The following DOP1B variants were observed in gnomAD, a reference collection of about 807,000 sequenced individuals.
DOP1B encodes DOP1 leucine zipper like protein B.
Under a neutral mutation model 233.5 loss-of-function variants are expected in DOP1B, and 174 were observed. The ratio of observed to expected loss-of-function variants is 0.75; its 90% CI spans 0.66 to 0.85. The LOEUF (loss-of-function observed/expected upper bound fraction) is 0.85, where lower values mean the gene tolerates loss of function less well. Among genes scored for constraint, DOP1B ranks in the 40% least tolerant of loss-of-function variants. DOP1B has a pLI of 0.00. For missense variants in DOP1B, 2,652 were observed against 2,846.6 expected (o/e 0.93, Z 1.56); for synonymous variants, 1,190 against 1,185.6 (o/e 1.00, Z -0.08).
At chr21:36,240,043 A>G in intron 18 of DOP1B, 88 bp downstream of exon 18, 1 of 1,410,192 alleles carries the variant, frequency 7.1e-7, no homozygotes, top group Non-Finnish European at 9.4e-7. Flanking sequence ...ACTGAGGCCC[A>G]CTAGGGGGTT....
At chr21:36,287,277 C>A (rs2067496046) in intron 32 of DOP1B, among the ~76,000 whole-genome samples, 1 of 152,130 alleles carries the variant, frequency 6.6e-6, no homozygotes, top group Non-Finnish European at 1.5e-5. Flanking sequence ...CGCTTCCCAC[C>A]CACCACCCTC....
At chr21:36,285,276 T>A (rs2146254373) in intron 32 of DOP1B, among the ~76,000 whole-genome samples, 1 of 152,074 alleles carries the variant, frequency 6.6e-6, no homozygotes, top group African/African-American at 2.4e-5. Flanking sequence ...GCCAGGCTGG[T>A]CTCGAACTCC....
Position 36,225,576 on chromosome 21 carries a change from A to G in DOP1B, c.1382A>G (p.Gln461Arg). ...GCTGTGATTTATAGACCAGTGAAGC[A>G]GCGTTACAGCGTGAGGAACAGCGTC... ...CFEECFRPVK[Q>R]RYSVRNSVSP... The change falls in exon 12 of 37, where the codon CAG (glutamine) becomes CGG (arginine). Residue 461 changes from glutamine (Q) to arginine (R), a missense_variant. Gln to Arg is a conservative substitution (Grantham distance 43). Transcript: ENST00000691173. 2 of 1,614,122 alleles carry G rather than the reference A, an allele frequency of 1.2e-6. No individual in the cohort carries two copies. The highest frequency in any genetic ancestry group is 1.7e-4 in the Middle Eastern group (1 of 6,060).
At chr21:36,253,953 G>A in intron 23 of DOP1B, 44 bp downstream of exon 23, 8 of 1,595,088 alleles carry the variant, frequency 5.0e-6, no homozygotes, top group Non-Finnish European at 6.8e-6. Flanking sequence ...AGATTAGTGG[G>A]TGGCATTTGT....
chr21:36,215,105 T>C (rs2066544182), intron 9 of DOP1B, among the ~76,000 whole-genome samples: 1 of 152,198 alleles, frequency 6.6e-6, no homozygotes, highest in Non-Finnish European at 1.5e-5. Context: ...TGAGCTCCTA[T>C]AGTGTCTACA....
chr21:36,157,454 C>A (rs2065829952), intron 1 of DOP1B, among the ~76,000 whole-genome samples: 2 of 152,342 alleles, frequency 1.3e-5, no homozygotes, highest in South Asian at 4.1e-4. Flanking sequence ...AGAAGGGATC[C>A]GGGCCGCAGT....
At chr21:36,198,953 T>C in intron 2 of DOP1B, 117 bp from the exon 3 acceptor site, 1 of 1,128,038 alleles carries the variant, frequency 8.9e-7, no homozygotes, top group Non-Finnish European at 1.3e-6. Flanking sequence ...TGTGTATGTC[T>C]CTTTCTTACA....
intron 2 of DOP1B, among the ~76,000 whole-genome samples, chr21:36,181,170 G>A (rs962074078): frequency 2.0e-5 from 3 of 152,126 alleles, no homozygotes; most frequent in East Asian, 1.9e-4. Flanking sequence ...CAATGTCCTC[G>A]ATGTAATTGA....
At chr21:36,172,354 G>A (rs1248609142) in intron 2 of DOP1B, among the ~76,000 whole-genome samples, 1 of 152,224 alleles carries the variant, frequency 6.6e-6, no homozygotes, top group Non-Finnish European at 1.5e-5. Context: ...ACTGGATGTG[G>A]AGGGTTTGGA....
chr21:36,245,766 G>A lies in DOP1B; in HGVS notation c.3786G>A (p.Val1262=), dbSNP rs2066952932. 2 of 1,613,992 alleles carry A rather than the reference G, an allele frequency of 1.2e-6. No individual in the cohort carries two copies. Among genetic ancestry groups the A allele is most frequent in the African/African-American group, 2.7e-5 (2 of 75,040 alleles). The change falls in exon 19 of 37, where the codon GTG becomes GTA. Residue 1262 remains valine (V), a synonymous_variant. Transcript: ENST00000691173. The surrounding 1 kb of genome is among the most constrained non-coding windows in gnomAD (Gnocchi z 5.5). ...KTNPKEFIEA[V]SRTSMDTSST... ...ACCCTAAGGAATTCATCGAGGCTGT[G>A]TCCAGGACTAGCATGGATACCAGCT...
chr21:36,208,501 T>C (rs566112264), intron 4 of DOP1B, among the ~76,000 whole-genome samples: 38 of 152,158 alleles, frequency 2.5e-4, no homozygotes, highest in Non-Finnish European at 5.4e-4. Context: ...CCTAGTGACA[T>C]TGGTTTTGGC....
chr21:36,293,642 G>A lies in DOP1B; in HGVS notation c.*71G>A. The A allele has an allele frequency of 2.0e-6, 3 of 1,518,888 alleles. No individual in the cohort carries two copies. The highest frequency in any genetic ancestry group is 1.2e-5 in the South Asian group (1 of 83,036). 94.1% of individuals were successfully genotyped at this position (1,518,888 alleles called of 1,614,324 possible). A position where few individuals can be genotyped will look rare whatever the true frequency, so the allele number is the denominator to read the frequency against. Reference sequence around the variant, plus strand: ...GAAAACCAGGTTATATTCTAAAGAAGAAAGAAGGCAGGATAGTGCTTTTGA... The same window carrying A: ...GAAAACCAGGTTATATTCTAAAGAAAAAAGAAGGCAGGATAGTGCTTTTGA... On this transcript the variant is annotated 3_prime_UTR_variant, in exon 37 of 37. Coordinates refer to ENST00000691173, the MANE Select transcript of DOP1B (RefSeq NM_001320714.2).
chr21:36,262,149 C>T (rs1370978244), intron 24 of DOP1B, among the ~76,000 whole-genome samples: 1 of 152,146 alleles, frequency 6.6e-6, no homozygotes, highest in East Asian at 1.9e-4. Flanking sequence ...AGACCACTTC[C>T]CTTGTGAGCA....
At chr21:36,244,783 G>A (rs2066935343) in intron 18 of DOP1B, among the ~76,000 whole-genome samples, 1 of 152,056 alleles carries the variant, frequency 6.6e-6, no homozygotes, top group South Asian at 2.1e-4. Context: ...TTTAAAAATT[G>A]CTCCCCTCCA....
intron 15 of DOP1B, among the ~76,000 whole-genome samples, chr21:36,235,515 G>A (rs1048563159): frequency 2.0e-5 from 3 of 151,810 alleles, no homozygotes; most frequent in African/African-American, 7.3e-5. Context: ...CTTGAGCTCA[G>A]GAGTTCGAGA....
chr21:36,259,562 C>A (rs910331930), intron 23 of DOP1B, among the ~76,000 whole-genome samples: 7 of 152,240 alleles, frequency 4.6e-5, no homozygotes, highest in African/African-American at 1.7e-4. Context: ...TGTGAGCCAC[C>A]GTGCCTGGCC....
At chr21:36,237,905 C>T (rs936379291) in intron 16 of DOP1B, among the ~76,000 whole-genome samples, 10 of 152,148 alleles carry the variant, frequency 6.6e-5, no homozygotes, top group East Asian at 5.8e-4. Flanking sequence ...CAGTGACTCA[C>T]GCCTGTAATT....
intron 2 of DOP1B, among the ~76,000 whole-genome samples, chr21:36,182,567 T>C (rs570140596): frequency 9.2e-4 from 140 of 152,198 alleles, no homozygotes; most frequent in African/African-American, 3.1e-3. Context: ...GGCGTGCTGG[T>C]TCACATCTAT....
chr21:36,160,358 C>T (rs1031010002), intron 1 of DOP1B, among the ~76,000 whole-genome samples: 1 of 151,898 alleles, frequency 6.6e-6, no homozygotes, highest in African/African-American at 2.4e-5. Flanking sequence ...TGCAGAGAGG[C>T]ACGCATATGC....
Sources: gnomAD v4.1 joint callset for allele counts (sites outside exome capture counted in the v4.1 genomes callset) on GRCh38, gnomAD v4.1.1 for gene constraint, Gnocchi (gnomAD v3.1) non-coding constraint, MANE v1.5 for transcripts, NCBI Gene and HGNC (gene_info 2026-07-23, HGNC 2026-07-21) for gene names.